PDE1C: variants seen among roughly 807,000 people sequenced by gnomAD.
The protein encoded by PDE1C is dual specificity calcium/calmodulin-dependent 3',5'-cyclic nucleotide phosphodiesterase 1C.
A neutral mutation model predicts 93.1 loss-of-function variants in PDE1C; 62 were observed. The ratio of observed to expected loss-of-function variants is 0.67; its 90% CI spans 0.54 to 0.82. The LOEUF (loss-of-function observed/expected upper bound fraction) is 0.82, where lower values mean the gene tolerates loss of function less well. Among genes scored for constraint, PDE1C ranks in the 40% least tolerant of loss-of-function variants. The probability of loss-of-function intolerance (pLI) is 0.00; values close to 1 mark genes in which losing one functional copy is unlikely to be tolerated. For missense variants in PDE1C, 742 were observed against 884.6 expected, an observed-to-expected ratio of 0.84 and a Z score of 2.04; for synonymous variants, 325 against 310.1, an observed-to-expected ratio of 1.05 and a Z score of -0.50.
In PDE1C at chr7:32,036,732, T is replaced by C. The variant is rs182491265; in HGVS notation, c.128+14822A>G. 2.0e-3 allele frequency among the ~76,000 whole-genome samples: 309 copies of C among 152,240 alleles called. 2 individuals are homozygous for C. The highest frequency in any genetic ancestry group is 7.2e-3 in the African/African-American group (297 of 41,538). On this transcript the variant is annotated intron_variant, in intron 2 of 17. Coordinates refer to ENST00000396191, the MANE Select transcript of PDE1C (RefSeq NM_001191057.4). Reference sequence around the variant, plus strand: ...AACAAATTCCTTGAAAAACCACAACTTAACCAAGAATGACTCAACAAGAAA... The same window carrying C: ...AACAAATTCCTTGAAAAACCACAACCTAACCAAGAATGACTCAACAAGAAA...
intron 2 of PDE1C, among the ~76,000 whole-genome samples, chr7:31,895,433 C>T (rs1167085635): frequency 6.6e-6 from 1 of 152,182 alleles, no homozygotes; most frequent in Non-Finnish European, 1.5e-5. Context: ...ATACAAGACC[C>T]TGCTGTCTTG....
chr7:31,916,619 A>G (rs759164880), intron 2 of PDE1C, among the ~76,000 whole-genome samples: 7 of 152,166 alleles, frequency 4.6e-5, no homozygotes, highest in Admixed American at 2.6e-4. Context: ...TAGCTTTGGC[A>G]TTGCTCATTC....
In PDE1C at chr7:31,752,513, C is replaced by T. The variant is rs1794188196; in HGVS notation, c.*871G>A. On this transcript the variant is annotated 3_prime_UTR_variant, in exon 18 of 18. Transcript: ENST00000396191. ...ACAATCTGAAAATAAAGAATTTAAACTAGGCTCAGAATTTTACACCCTCTT... is the reference window on the plus strand; with the variant it reads ...ACAATCTGAAAATAAAGAATTTAAATTAGGCTCAGAATTTTACACCCTCTT... 1 of 152,036 alleles carries T rather than the reference C, an allele frequency of 6.6e-6. No individual in the cohort carries two copies. Among genetic ancestry groups the T allele is most frequent in the Non-Finnish European group, 1.5e-5 (1 of 67,984 alleles). 9.4% of individuals were successfully genotyped at this position (152,036 alleles called of 1,614,324 possible). A position where few individuals can be genotyped will look rare whatever the true frequency, so the allele number is the denominator to read the frequency against.
At chr7:32,012,876 T>C (rs576437685) in intron 2 of PDE1C, among the ~76,000 whole-genome samples, 1 of 152,340 alleles carries the variant, frequency 6.6e-6, no homozygotes, top group South Asian at 2.1e-4. Flanking sequence ...GAGCCTCTCA[T>C]TTTCCAGCTG....
At chr7:31,642,136 T>C in the PDE1C span, 2 of 1,469,254 alleles carry the variant, frequency 1.4e-6, no homozygotes, top group East Asian at 5.0e-5. Flanking sequence ...TGGCTGCGTG[T>C]TTTCCCTTTA....
chr7:32,050,799 C>G (rs896883754), intron 2 of PDE1C, among the ~76,000 whole-genome samples: 2 of 152,198 alleles, frequency 1.3e-5, no homozygotes, highest in Non-Finnish European at 2.9e-5. Flanking sequence ...CTACATCTGT[C>G]AACGGGTCCT....
chr7:32,318,061 C>T (rs751821386), intron 1 of PDE1C, among the ~76,000 whole-genome samples: 14 of 152,170 alleles, frequency 9.2e-5, no homozygotes, highest in Admixed American at 8.5e-4. Flanking sequence ...AGACTGCCCA[C>T]GTTATTTCCA....
intron 2 of PDE1C, among the ~76,000 whole-genome samples, chr7:32,042,162 T>A (rs1036096380): frequency 6.6e-6 from 1 of 152,172 alleles, no homozygotes; most frequent in Non-Finnish European, 1.5e-5. Context: ...TAGCTGGGCA[T>A]GATGGCATGC....
intron 1 of PDE1C, among the ~76,000 whole-genome samples, chr7:32,260,702 A>G (rs910568453): frequency 6.6e-6 from 1 of 152,232 alleles, no homozygotes; most frequent in African/African-American, 2.4e-5. Context: ...GGCCGAACTA[A>G]CTTTGGGAAG....
intron 1 of PDE1C, among the ~76,000 whole-genome samples, chr7:32,355,964 C>A (rs73312908): frequency 0.088 from 13,472 of 152,242 alleles, 689 homozygotes; most frequent in East Asian, 0.13. Flanking sequence ...CCATTTGGCT[C>A]TCATTTTTCA....
chr7:32,343,650 C>T (rs1328525934), intron 1 of PDE1C, among the ~76,000 whole-genome samples: 2 of 152,186 alleles, frequency 1.3e-5, no homozygotes, highest in Non-Finnish European at 2.9e-5. Context: ...AGGTGAGTTG[C>T]TTTTAAAATC....
At chr7:32,357,334 ACAC>A (rs1219146799) in intron 1 of PDE1C, among the ~76,000 whole-genome samples, 4 of 142,912 alleles carry the variant, frequency 2.8e-5, no homozygotes, top group Admixed American at 6.7e-5. Flanking sequence ...ATTCCATCAC[ACAC>A]AAAAAAAAAA....
chr7:32,202,738 C>T (rs1408686031), intron 2 of PDE1C, among the ~76,000 whole-genome samples: 5 of 151,984 alleles, frequency 3.3e-5, no homozygotes, highest in Admixed American at 3.3e-4. Flanking sequence ...GGGGGAGCTT[C>T]GAGAGGATGA....
At chr7:32,299,476 T>A, upstream of PDE1C, 1 of 945,532 alleles carries the variant, frequency 1.1e-6, no homozygotes, top group Non-Finnish European at 1.3e-6. Flanking sequence ...ACAATCGAAT[T>A]AGAACTCGCC....
the PDE1C span, among the ~76,000 whole-genome samples, chr7:31,673,113 G>A: frequency 5.3e-5 from 8 of 152,114 alleles, no homozygotes; most frequent in Non-Finnish European, 1.2e-4. Context: ...CCAGTCTCAG[G>A]TATTTCTTTA....
At chr7:32,245,919 T>A (rs1808896082) in intron 1 of PDE1C, among the ~76,000 whole-genome samples, 1 of 151,864 alleles carries the variant, frequency 6.6e-6, no homozygotes, top group Admixed American at 6.6e-5. Flanking sequence ...CACCTTCTAA[T>A]AGTAACACCT....
intron 3 of PDE1C, among the ~76,000 whole-genome samples, chr7:32,092,145 A>T (rs2128745106): frequency 6.9e-6 from 1 of 145,666 alleles, no homozygotes. Flanking sequence ...CCATTTCCAA[A>T]GATGTTTCCT....
Position 31,964,097 on chromosome 7 carries a change from C to G in PDE1C, c.129-83237G>C, listed in dbSNP as rs553164455. On this transcript the variant is annotated intron_variant, in intron 2 of 17. Coordinates refer to ENST00000396191, the MANE Select transcript of PDE1C (RefSeq NM_001191057.4). The stretch of plus-strand genomic sequence containing the variant: ...AGCGGGTTCATCTCACTGGGGAGTG[C>G]CAGAAAGTGGGGCAAGACAGTGGGT... Among the ~76,000 whole-genome samples the G allele has an allele frequency of 2.8e-4, 42 of 152,300 alleles. 1 individual carries two copies. In the South Asian group the frequency reaches 8.5e-3, roughly 31 times the overall value.
At chr7:32,106,271 A>T (rs1392346955) in intron 3 of PDE1C, among the ~76,000 whole-genome samples, 1 of 152,126 alleles carries the variant, frequency 6.6e-6, no homozygotes, top group African/African-American at 2.4e-5. Flanking sequence ...AGCCTCCCAA[A>T]GTATTGGGAT....
Sources: gnomAD v4.1 joint callset for allele counts (sites outside exome capture counted in the v4.1 genomes callset) on GRCh38, gnomAD v4.1.1 for gene constraint, MANE v1.5 for transcripts, NCBI Gene and HGNC (gene_info 2026-07-23, HGNC 2026-07-21) for gene names.